COQ3: variants seen among roughly 807,000 people sequenced by gnomAD.
COQ3 encodes the protein coenzyme Q3, methyltransferase, also known as ubiquinone biosynthesis O-methyltransferase, mitochondrial.
COQ3 carries 29 observed loss-of-function variants against 33.1 expected under a neutral mutation model. The ratio of observed to expected loss-of-function variants is 0.88; its 90% CI spans 0.65 to 1.19. The LOEUF (loss-of-function observed/expected upper bound fraction) is 1.19. COQ3 is among the 50% of genes most tolerant of loss of function. COQ3 has a pLI of 0.00. For synonymous variants in COQ3, 173 were observed against 157.8 expected, an observed-to-expected ratio of 1.10 and a Z score of -0.72; for missense variants, 437 against 430.7, an observed-to-expected ratio of 1.01 and a Z score of -0.13.
intron 5 of COQ3, among the ~76,000 whole-genome samples, chr6:99,374,609 T>C: frequency 6.6e-6 from 1 of 152,182 alleles, no homozygotes; most frequent in Admixed American, 6.5e-5. Flanking sequence ...TAGGGGTATT[T>C]ATTAAAAGAA....
chr6:99,386,005 AGAAAAGAAAAG>A (rs1774642244), intron 1 of COQ3, among the ~76,000 whole-genome samples: 1 of 84,718 alleles, frequency 1.2e-5, no homozygotes, highest in Admixed American at 1.5e-4. Flanking sequence ...AAAAGAAAAA[AGAAAAGAAAAG>A]AAAAAAGAAA....
rs1286642699 is a variant in COQ3, at chr6:99,374,134, A to AT, written c.729+1805_729+1806insA. ...AAACTGACATTAGCAAAAAAAAAAA[A>AT]AAAAAAAAATTAATAAAATTTAACG... On this transcript the variant is annotated intron_variant, in intron 5 of 6. Coordinates refer to ENST00000254759, the MANE Select transcript of COQ3 (RefSeq NM_017421.4). 1.3e-4 allele frequency among the ~76,000 whole-genome samples: 20 copies of AT among 150,088 alleles called. No homozygotes were observed. In the East Asian group the frequency reaches 1.8e-3, roughly 14 times the overall value.
intron 2 of COQ3, among the ~76,000 whole-genome samples, chr6:99,381,232 C>T (rs1283168860): frequency 6.6e-6 from 1 of 152,164 alleles, no homozygotes; most frequent in Non-Finnish European, 1.5e-5. Context: ...TACCTCATCC[C>T]TTTCCAATCT....
Position 99,371,429 on chromosome 6 carries a change from T to C in COQ3, c.888A>G (p.Ser296=). 1.1e-5 allele frequency: 17 copies of C among 1,577,960 alleles called. No individual in the cohort carries two copies. The highest frequency in any genetic ancestry group is 1.5e-5 in the Non-Finnish European group (17 of 1,169,078). ...GGAAAAAATTCTCTTAATACTTACT[T>C]GATTCCAGAATGCTCTCTAGTGTTT... ...SPETLESILE[S]NGLSVQTVVG... is the part of the protein sequence containing the mutation. The change falls in exon 6 of 7, where the codon TCA becomes TCG. Residue 296 remains serine, a splice_region_variant and synonymous_variant. Transcript: ENST00000254759.
chr6:99,385,973 T>C (rs1582729462), intron 1 of COQ3, among the ~76,000 whole-genome samples: 1 of 57,210 alleles, frequency 1.7e-5, no homozygotes, highest in Non-Finnish European at 3.4e-5. Context: ...GAAGACTCTG[T>C]CTCAAAAAAA....
chr6:99,380,242 T>C lies in COQ3; in HGVS notation c.333A>G (p.Gln111=). The C allele has an allele frequency of 1.2e-6, 2 of 1,614,118 alleles. No individual in the cohort carries two copies. Among genetic ancestry groups the C allele is most frequent in the Non-Finnish European group, 1.7e-6 (2 of 1,180,000 alleles). ...LALAHKWWDE[Q]GVYAPLHSMN... The stretch of plus-strand genomic sequence containing the variant: ...TGGAATGAAGAGGTGCATATACTCC[T>C]TGTTCATCCCACCATTTGTGAGCCA... Residue 111 remains glutamine (Q), a synonymous_variant, in exon 3 of 7, where the codon CAA becomes CAG. Transcript: ENST00000254759.
At chr6:99,384,451 ATATAAAGTGTTATGTTT>A (rs1164795670) in intron 1 of COQ3, among the ~76,000 whole-genome samples, 1 of 152,218 alleles carries the variant, frequency 6.6e-6, no homozygotes, top group Non-Finnish European at 1.5e-5. Context: ...TGATATTCAA[ATATAAAGTGTTATGTTT>A]TAAACTAGGA....
At chr6:99,375,850 T>G in intron 5 of COQ3, 90 bp downstream of exon 5, 1 of 1,375,964 alleles carries the variant, frequency 7.3e-7, no homozygotes, top group Non-Finnish European at 1.0e-6. Context: ...CCTGCTGGAC[T>G]GCTAATGCAT....
chr6:99,382,810 G>A (rs890900505), intron 2 of COQ3, among the ~76,000 whole-genome samples: 1 of 152,060 alleles, frequency 6.6e-6, no homozygotes, highest in South Asian at 2.1e-4. Flanking sequence ...AAAATTAGCC[G>A]GGTGTGGTGG....
At chr6:99,372,670 C>G (rs1393400061) in intron 5 of COQ3, among the ~76,000 whole-genome samples, 1 of 152,182 alleles carries the variant, frequency 6.6e-6, no homozygotes, top group Non-Finnish European at 1.5e-5. Context: ...CCTGCCTTGG[C>G]CTCCCAAAGT....
intron 5 of COQ3, among the ~76,000 whole-genome samples, chr6:99,374,676 A>G (rs1477894380): frequency 1.3e-5 from 2 of 152,318 alleles, no homozygotes; most frequent in Non-Finnish European, 2.9e-5. Flanking sequence ...ATATAAGCAT[A>G]GTAAGTAATG....
chr6:99,393,959 G>T, intron 1 of COQ3, 115 bp downstream of exon 1: 1 of 803,462 alleles, frequency 1.2e-6, no homozygotes, highest in Non-Finnish European at 2.1e-6. Flanking sequence ...CTTAGGTTTC[G>T]CGCTGACCCC....
chr6:99,374,132 A>T (rs1205196996), intron 5 of COQ3, among the ~76,000 whole-genome samples: 1 of 149,492 alleles, frequency 6.7e-6, no homozygotes, highest in Non-Finnish European at 1.5e-5. Context: ...CAAAAAAAAA[A>T]AAAAAAAAAA....
intron 6 of COQ3, among the ~76,000 whole-genome samples, 177 bp from the exon 7 acceptor site, chr6:99,369,997 A>G (rs1774081734): frequency 1.3e-5 from 2 of 152,224 alleles, no homozygotes; most frequent in Admixed American, 6.5e-5. Context: ...ACTATGCACT[A>G]ATCACAATTT....
At chr6:99,384,273 G>C (rs1403602288) in intron 1 of COQ3, among the ~76,000 whole-genome samples, 1 of 151,958 alleles carries the variant, frequency 6.6e-6, no homozygotes, top group Non-Finnish European at 1.5e-5. Flanking sequence ...CTTAATTTAA[G>C]ATTTTACCTA....
intron 1 of COQ3, among the ~76,000 whole-genome samples, chr6:99,385,706 A>C (rs1774606932): frequency 1.3e-5 from 2 of 152,082 alleles, no homozygotes; most frequent in Non-Finnish European, 2.9e-5. Context: ...GGTGGCTCAC[A>C]CCTGTAATCC....
rs1774438944 is a variant in COQ3, at chr6:99,380,403, G to C, written c.234-62C>G. 1.2e-5 allele frequency: 18 copies of C among 1,496,118 alleles called. No individual in the cohort carries two copies. The Admixed American group carries it at 3.1e-4, about 26-fold the overall frequency. The allele number at this position is 1,496,118 out of a possible 1,614,324, so 92.7% of individuals were successfully genotyped here. A position where few individuals can be genotyped will look rare whatever the true frequency, so the allele number is the denominator to read the frequency against. ...TGTTTTGAAGAAATGTTTAACATGG[G>C]ATATTATGTAGAAAGATAGTCTTAT... is the stretch of plus-strand genomic sequence containing the variant. On this transcript the variant is annotated intron_variant, in intron 2 of 6. Coordinates refer to ENST00000254759, the MANE Select transcript of COQ3 (RefSeq NM_017421.4).
At chr6:99,381,673 C>T (rs369278054) in intron 2 of COQ3, among the ~76,000 whole-genome samples, 2 of 152,144 alleles carry the variant, frequency 1.3e-5, no homozygotes, top group South Asian at 2.1e-4. Context: ...CGTCTGTAAT[C>T]GCAGCATTTT....
rs770259499 is a variant in COQ3, at chr6:99,376,181, G to A, written c.488C>T (p.Pro163Leu). 1.3e-5 allele frequency: 21 copies of A among 1,611,750 alleles called. No individual in the cohort carries two copies. Residue 163 changes from proline to leucine, a missense_variant and splice_region_variant, in exon 5 of 7, where the codon CCT becomes CTT. By Grantham distance (98) the Pro-to-Leu change is moderately conservative. Transcript: ENST00000254759. ...VGCGGGLLTE[P>L]LGRLGASVIG... ...AACTGAAGCCCCAAGCCGCCCTAGA[G>A]GCTAATGGCATTAAAAAAACTGTTA...
Sources: allele counts gnomAD v4.1 joint callset (sites outside exome capture counted in the v4.1 genomes callset), GRCh38; gene constraint gnomAD v4.1.1; transcripts MANE v1.5; gene names NCBI Gene and HGNC (gene_info 2026-07-23, HGNC 2026-07-21).